Variants in CDKL4 observed in about 807,000 individuals in gnomAD.
The protein encoded by CDKL4 is cyclin dependent kinase like 4, also known as cyclin-dependent kinase-like 4.
CDKL4 carries 44 observed loss-of-function variants against 42.0 expected under a neutral mutation model. The ratio of observed to expected loss-of-function variants is 1.05; its 90% CI spans 0.82 to 1.35. The LOEUF (loss-of-function observed/expected upper bound fraction) is 1.35, where lower values mean the gene tolerates loss of function less well. Ranked by LOEUF, CDKL4 falls within the 40% of genes most tolerant of loss-of-function variation. The pLI is 0.00. For missense variants in CDKL4, 393 were observed against 369.9 expected, an observed-to-expected ratio of 1.06 and a Z score of -0.51; for synonymous variants, 120 against 121.6, an observed-to-expected ratio of 0.99 and a Z score of 0.09.
intron 4 of CDKL4, among the ~76,000 whole-genome samples, chr2:39,209,814 A>T (rs1444582341): frequency 1.3e-5 from 2 of 152,194 alleles, no homozygotes; most frequent in African/African-American, 4.8e-5. Context: ...GAGTTCCTTT[A>T]AAAATAAGGA....
chr2:39,211,633 G>A (rs981279381), intron 4 of CDKL4, among the ~76,000 whole-genome samples: 2 of 151,948 alleles, frequency 1.3e-5, no homozygotes, highest in African/African-American at 4.8e-5. Flanking sequence ...ATGAGGATGA[G>A]TTCTTTTCCA....
chr2:39,174,241 C>CA (rs1675079661), downstream of CDKL4, among the ~76,000 whole-genome samples: 1 of 151,696 alleles, frequency 6.6e-6, no homozygotes, highest in African/African-American at 2.4e-5. Context: ...CGTATCTCTA[C>CA]AAAAAAAGTT....
intron 3 of CDKL4, among the ~76,000 whole-genome samples, chr2:39,224,172 G>A (rs1322582990): frequency 6.6e-6 from 1 of 151,778 alleles, no homozygotes; most frequent in Non-Finnish European, 1.5e-5. Flanking sequence ...TTTGTTTATG[G>A]TACTTTTTTG....
chr2:39,233,721 A>G (rs1679209971), intron 1 of CDKL4, among the ~76,000 whole-genome samples: 1 of 151,428 alleles, frequency 6.6e-6, no homozygotes, highest in African/African-American at 2.4e-5. Context: ...AATGAAAATC[A>G]TTTACAAAAA....
At chr2:39,178,810 G>A (rs1291562108) in intron 9 of CDKL4, 36 of 1,551,536 alleles carry the variant, frequency 2.3e-5, no homozygotes, top group Non-Finnish European at 3.0e-5. Context: ...CACATCTGGA[G>A]GCTACAGAAA....
At chr2:39,240,591 T>C (rs1305445427) in intron 1 of CDKL4, among the ~76,000 whole-genome samples, 2 of 149,804 alleles carry the variant, frequency 1.3e-5, no homozygotes, top group Non-Finnish European at 3.0e-5. Context: ...AACTGATGAA[T>C]GTGTAAACAA....
intron 1 of CDKL4, among the ~76,000 whole-genome samples, chr2:39,233,070 A>C (rs989222094): frequency 5.7e-5 from 2 of 35,024 alleles, no homozygotes; most frequent in African/African-American, 1.5e-4. Context: ...AAAAGAAAGA[A>C]AGAAAGAAAA....
intron 8 of CDKL4, among the ~76,000 whole-genome samples, chr2:39,180,395 T>C (rs1442392178): frequency 1.3e-5 from 2 of 152,236 alleles, no homozygotes; most frequent in Non-Finnish European, 2.9e-5. Context: ...CACTGCCCTG[T>C]GGTGTCTGTT....
At chr2:39,171,656 C>T (rs889012585), downstream of CDKL4, among the ~76,000 whole-genome samples, 1 of 152,150 alleles carries the variant, frequency 6.6e-6, no homozygotes, top group African/African-American at 2.4e-5. Context: ...GCAAAGTCTG[C>T]ATTTTGAATG....
intron 5 of CDKL4, among the ~76,000 whole-genome samples, chr2:39,203,888 A>G (rs1044537707): frequency 6.6e-6 from 1 of 152,156 alleles, no homozygotes; most frequent in African/African-American, 2.4e-5. Flanking sequence ...TTCCAAATGC[A>G]TTGCCAAATC....
Position 39,186,197 on chromosome 2 carries a change from A to G in CDKL4, c.735+1430T>C, listed in dbSNP as rs187181987. On this transcript the variant is annotated intron_variant, in intron 7 of 9. Transcript: ENST00000451199. Reference sequence around the variant, plus strand: ...AGTTCAACCTTTAACCTTATATTACATTTGTTAAAGGCTTTAACAAAGACA... The same window carrying G: ...AGTTCAACCTTTAACCTTATATTACGTTTGTTAAAGGCTTTAACAAAGACA... Among the ~76,000 whole-genome samples the G allele has an allele frequency of 3.4e-3, 515 of 152,326 alleles. 2 individuals are homozygous for G. Among genetic ancestry groups the G allele is most frequent in the Non-Finnish European group, 5.5e-3 (377 of 68,038 alleles).
At chr2:39,244,331 TC>T (rs997055234), upstream of CDKL4, among the ~76,000 whole-genome samples, 2 of 152,168 alleles carry the variant, frequency 1.3e-5, no homozygotes, top group African/African-American at 4.8e-5. Context: ...CAGCTGGAGT[TC>T]CGGGTGGGCG....
intron 2 of CDKL4, among the ~76,000 whole-genome samples, chr2:39,226,437 T>TATATATATTATATATATATA (rs1375942216): frequency 1.8e-4 from 24 of 130,012 alleles, no homozygotes; most frequent in South Asian, 9.3e-4. Flanking sequence ...TTATATAAAT[T>TATATATATTATATATATATA]ATATATATTA....
chr2:39,197,684 T>C (rs1428824512), intron 5 of CDKL4, among the ~76,000 whole-genome samples: 1 of 152,190 alleles, frequency 6.6e-6, no homozygotes, highest in Non-Finnish European at 1.5e-5. Context: ...GTCCTATCTT[T>C]AGCCTCCTTA....
chr2:39,245,832 G>T (rs1468639570), upstream of CDKL4, among the ~76,000 whole-genome samples: 1 of 152,164 alleles, frequency 6.6e-6, no homozygotes, highest in Non-Finnish European at 1.5e-5. Context: ...GTAGGTTTTT[G>T]CGTGAAAAGC....
chr2:39,218,382 T>G (rs1405578692), intron 3 of CDKL4, among the ~76,000 whole-genome samples: 1 of 152,084 alleles, frequency 6.6e-6, no homozygotes, highest in African/African-American at 2.4e-5. Flanking sequence ...GTGTCTGTGG[T>G]CCCAGCTGCT....
At chr2:39,215,945 T>C (rs1262027126) in intron 3 of CDKL4, among the ~76,000 whole-genome samples, 3 of 152,180 alleles carry the variant, frequency 2.0e-5, no homozygotes, top group African/African-American at 7.2e-5. Flanking sequence ...CTGATATAAC[T>C]GTATTCTTCT....
chr2:39,209,390 T>C (rs570039201), intron 4 of CDKL4, among the ~76,000 whole-genome samples: 2 of 152,104 alleles, frequency 1.3e-5, no homozygotes, highest in Admixed American at 6.5e-5. Flanking sequence ...AGCAAATATA[T>C]AAAAATCCCT....
At chr2:39,209,596 C>G (rs1677456252) in intron 4 of CDKL4, among the ~76,000 whole-genome samples, 2 of 152,290 alleles carry the variant, frequency 1.3e-5, no homozygotes, top group South Asian at 4.1e-4. Flanking sequence ...TCAGATTCAA[C>G]ATTTCTAAAA....
Sources: gnomAD v4.1 joint callset for allele counts (sites outside exome capture counted in the v4.1 genomes callset) on GRCh38, gnomAD v4.1.1 for gene constraint, MANE v1.5 for transcripts, NCBI Gene and HGNC (gene_info 2026-07-23, HGNC 2026-07-21) for gene names.